Variants in EYA1 observed in about 807,000 individuals in gnomAD.
EYA1 encodes EYA transcriptional coactivator and phosphatase 1, also known as protein phosphatase EYA1.
In EYA1, 16 loss-of-function variants were observed where a neutral mutation model predicts 82.0. The observed-to-expected ratio is 0.20, with a 90% CI of 0.13 to 0.30. The LOEUF (loss-of-function observed/expected upper bound fraction) is 0.30. EYA1 is among the 10% of genes least tolerant of loss of function. EYA1 has a pLI of 1.00. For synonymous variants in EYA1, 261 were observed against 264.4 expected, an observed-to-expected ratio of 0.99 and a Z score of 0.12; for missense variants, 633 against 730.7, an observed-to-expected ratio of 0.87 and a Z score of 1.54.
chr8:71,200,486 T>C (rs533152562), intron 17 of EYA1, among the ~76,000 whole-genome samples: 2 of 152,334 alleles, frequency 1.3e-5, no homozygotes, highest in African/African-American at 4.8e-5. Flanking sequence ...CCTCAGATTA[T>C]CTGTTGAAAT....
At chr8:71,474,176 A>C (rs1809464596) in intron 2 of EYA1, among the ~76,000 whole-genome samples, 1 of 149,564 alleles carries the variant, frequency 6.7e-6, no homozygotes, top group African/African-American at 2.5e-5. Context: ...CTGCACATGT[A>C]TCCCAGAACT....
chr8:71,262,128 G>C (rs1427341619), intron 11 of EYA1, among the ~76,000 whole-genome samples: 1 of 152,154 alleles, frequency 6.6e-6, no homozygotes, highest in Non-Finnish European at 1.5e-5. Flanking sequence ...CTTTTGGACA[G>C]ATAATTTAAT....
chr8:71,225,788 A>C (rs1032359371), intron 12 of EYA1, among the ~76,000 whole-genome samples: 9 of 152,234 alleles, frequency 5.9e-5, no homozygotes, highest in Non-Finnish European at 1.0e-4. Context: ...ATAAGATGCA[A>C]CTTGTGGACA....
chr8:71,383,392 C>A (rs1306945116), intron 2 of EYA1, among the ~76,000 whole-genome samples: 2 of 152,018 alleles, frequency 1.3e-5, no homozygotes, highest in South Asian at 2.1e-4. Flanking sequence ...CTATCCACCA[C>A]AATACTGTTT....
Position 71,354,831 on chromosome 8 carries a change from G to C in EYA1, c.75C>G (p.Leu25=). Residue 25 remains leucine, a synonymous_variant, in exon 3 of 18, where the codon CTC becomes CTG. Coordinates refer to ENST00000340726, the MANE Select transcript of EYA1 (RefSeq NM_000503.6). ...GSSESPSGPK[L]GNSHINSNSM... is the part of the protein sequence containing the mutation. ...AATTACTATTTATATGAGAGTTACC[G>C]AGTTTGGGGCCACTGGGGGATTCAC... 6.2e-7 allele frequency: 1 copy of C among 1,613,694 alleles called. No individual in the cohort carries two copies. Among genetic ancestry groups the C allele is most frequent in the Non-Finnish European group, 8.5e-7 (1 of 1,179,668 alleles).
intron 1 of EYA1, among the ~76,000 whole-genome samples, 152 bp downstream of exon 1, chr8:71,361,495 G>A (rs1180408335): frequency 2.0e-5 from 3 of 152,176 alleles, no homozygotes; most frequent in Non-Finnish European, 4.4e-5. Flanking sequence ...AAAGTACTAG[G>A]TACAAAGTGT....
intron 1 of EYA1, among the ~76,000 whole-genome samples, chr8:71,541,723 G>A (rs1460686737): frequency 6.6e-6 from 1 of 152,164 alleles, no homozygotes; most frequent in Non-Finnish European, 1.5e-5. Context: ...TTTGTAACGA[G>A]GAAATTCAGG....
At chr8:71,318,013 C>A (rs1822121625) in intron 6 of EYA1, among the ~76,000 whole-genome samples, 1 of 152,174 alleles carries the variant, frequency 6.6e-6, no homozygotes, top group Non-Finnish European at 1.5e-5. Context: ...TGAAGATCAT[C>A]TCCTTCACAG....
At chr8:71,250,404 T>C (rs940833262) in intron 11 of EYA1, among the ~76,000 whole-genome samples, 1 of 152,164 alleles carries the variant, frequency 6.6e-6, no homozygotes, top group Non-Finnish European at 1.5e-5. Context: ...GCTGGGCCCC[T>C]TTCCCAGTTC....
At chr8:71,331,489 T>TTATGTA (rs1554554563) in intron 4 of EYA1, among the ~76,000 whole-genome samples, 1 of 146,846 alleles carries the variant, frequency 6.8e-6, no homozygotes, top group African/African-American at 2.5e-5. Flanking sequence ...TATAAATGTT[T>TTATGTA]TATATATATA....
At chr8:71,226,073 T>G (rs1276663883) in intron 12 of EYA1, among the ~76,000 whole-genome samples, 1 of 152,106 alleles carries the variant, frequency 6.6e-6, no homozygotes, top group East Asian at 1.9e-4. Context: ...TATGTTAAGG[T>G]AAAAAATAAA....
intron 9 of EYA1, among the ~76,000 whole-genome samples, chr8:71,285,610 T>C (rs959753399): frequency 6.6e-6 from 1 of 152,190 alleles, no homozygotes; most frequent in African/African-American, 2.4e-5. Flanking sequence ...AGAGAAGAAA[T>C]GATAAAGAGG....
intron 2 of EYA1, among the ~76,000 whole-genome samples, chr8:71,525,778 G>A (rs188749541): frequency 1.2e-3 from 179 of 152,276 alleles, no homozygotes; most frequent in African/African-American, 4.1e-3. Context: ...TGTTTCCAAA[G>A]GTGCTTGATT....
chr8:71,204,457 T>G (rs552046406), intron 17 of EYA1, among the ~76,000 whole-genome samples: 1 of 152,344 alleles, frequency 6.6e-6, no homozygotes, highest in African/African-American at 2.4e-5. Context: ...TAGGAATTTA[T>G]CCTACAGATG....
At chr8:71,536,387 T>A (rs548146295) in intron 1 of EYA1, among the ~76,000 whole-genome samples, 2 of 152,334 alleles carry the variant, frequency 1.3e-5, no homozygotes, top group South Asian at 4.1e-4. Context: ...GGTCACAGTT[T>A]CACGGATGAT....
At chr8:71,451,206 C>T (rs1807343538) in intron 2 of EYA1, among the ~76,000 whole-genome samples, 1 of 152,146 alleles carries the variant, frequency 6.6e-6, no homozygotes, top group African/African-American at 2.4e-5. Flanking sequence ...TGATTTTGGA[C>T]TTAGTAACCA....
At chr8:71,368,055 C>A (rs1481649703) in intron 2 of EYA1, among the ~76,000 whole-genome samples, 1 of 152,050 alleles carries the variant, frequency 6.6e-6, no homozygotes, top group Non-Finnish European at 1.5e-5. Context: ...AAGATATAAA[C>A]CTGAAAAGTA....
At chr8:71,273,198 ACTT>A (rs1166261823) in intron 9 of EYA1, among the ~76,000 whole-genome samples, 4 of 152,322 alleles carry the variant, frequency 2.6e-5, no homozygotes, top group East Asian at 1.9e-4. Context: ...CAAGCAAGAG[ACTT>A]CTTCTATAAC....
At chr8:71,441,496 A>G (rs577869170) in intron 2 of EYA1, among the ~76,000 whole-genome samples, 1 of 152,334 alleles carries the variant, frequency 6.6e-6, no homozygotes, top group African/African-American at 2.4e-5. Flanking sequence ...TCCCATAGAA[A>G]TAAAACTGAA....
Sources: allele counts gnomAD v4.1 joint callset (sites outside exome capture counted in the v4.1 genomes callset), GRCh38; gene constraint gnomAD v4.1.1; transcripts MANE v1.5; gene names NCBI Gene and HGNC (gene_info 2026-07-23, HGNC 2026-07-21).